Variants in LARGE1 observed in about 807,000 individuals in gnomAD.
LARGE1 encodes the protein LARGE xylosyl- and glucuronyltransferase 1, also known as xylosyl- and glucuronyltransferase LARGE1.
Under a neutral mutation model 87.6 loss-of-function variants are expected in LARGE1, and 43 were observed. The observed-to-expected ratio is 0.49, with a 90% CI of 0.38 to 0.63. The LOEUF is 0.63. Among genes scored for constraint, LARGE1 ranks in the 30% least tolerant of loss-of-function variants. The pLI, the probability that LARGE1 is intolerant of heterozygous loss-of-function variation, is 0.00. For synonymous variants in LARGE1, 434 were observed against 394.6 expected, an observed-to-expected ratio of 1.10 and a Z score of -1.18; for missense variants, 802 against 1,000.2, an observed-to-expected ratio of 0.80 and a Z score of 2.67.
At position 33,749,632 on chromosome 22, in the gene LARGE1, C is replaced by A. The variant is rs568646976; in HGVS notation, c.106+11739G>T. On this transcript the variant is annotated intron_variant, in intron 2 of 14. Coordinates refer to ENST00000397394, the MANE Select transcript of LARGE1 (RefSeq NM_133642.5). ...TTAGGCTGTAAGCCAGCCTAGATGA[C>A]TCCTGATGTCCGTTCCTTCTCTTGA... Among the ~76,000 whole-genome samples, 5 of 152,360 alleles carry A rather than the reference C, an allele frequency of 3.3e-5. No homozygotes were observed. In the South Asian group the frequency reaches 6.2e-4, roughly 19 times the overall value.
the LARGE1 span, among the ~76,000 whole-genome samples, chr22:33,089,368 T>TCTTCTTCTTCTC: frequency 1.5e-4 from 12 of 78,210 alleles, no homozygotes; most frequent in Non-Finnish European, 2.4e-4. Context: ...TTCTTCTTCT[T>TCTTCTTCTTCTC]CTCCTTCTTC....
intron 1 of LARGE1, among the ~76,000 whole-genome samples, chr22:33,829,770 TAAC>T (rs1457779358): frequency 6.6e-6 from 1 of 152,094 alleles, no homozygotes; most frequent in Non-Finnish European, 1.5e-5. Flanking sequence ...TCCTGGGTGC[TAAC>T]AGCATTGCCA....
At chr22:33,406,856 G>A (rs1016018721) in intron 7 of LARGE1, among the ~76,000 whole-genome samples, 2 of 151,496 alleles carry the variant, frequency 1.3e-5, no homozygotes, top group Non-Finnish European at 2.9e-5. Flanking sequence ...GCAATGGCAC[G>A]ATCTTGGCTC....
intron 11 of LARGE1, among the ~76,000 whole-genome samples, chr22:33,184,446 C>A (rs1025091932): frequency 3.3e-5 from 5 of 151,314 alleles, no homozygotes; most frequent in Non-Finnish European, 2.9e-5. Flanking sequence ...TAAAGTAGTT[C>A]TTTACAAAGT....
intron 2 of LARGE1, among the ~76,000 whole-genome samples, chr22:33,745,694 G>A (rs2084054761): frequency 1.3e-5 from 2 of 152,128 alleles, no homozygotes; most frequent in African/African-American, 4.8e-5. Context: ...CTGAAAGGCT[G>A]GATCCAATCA....
At chr22:33,722,924 T>C (rs1051852110) in intron 2 of LARGE1, among the ~76,000 whole-genome samples, 1 of 152,096 alleles carries the variant, frequency 6.6e-6, no homozygotes, top group African/African-American at 2.4e-5. Context: ...TGAGCTGTTT[T>C]GATGACGTTG....
intron 6 of LARGE1, among the ~76,000 whole-genome samples, chr22:33,510,224 C>T (rs2070990300): frequency 6.6e-6 from 1 of 152,212 alleles, no homozygotes; most frequent in Admixed American, 6.5e-5. Flanking sequence ...TTAATCCCTG[C>T]AGCCACCTTG....
At chr22:33,774,751 T>C (rs2085181974) in intron 1 of LARGE1, among the ~76,000 whole-genome samples, 1 of 152,200 alleles carries the variant, frequency 6.6e-6, no homozygotes, top group South Asian at 2.1e-4. Flanking sequence ...ATGAGGCGCT[T>C]TAGTTCTTTT....
intron 11 of LARGE1, among the ~76,000 whole-genome samples, chr22:33,259,864 C>A (rs558101748): frequency 6.6e-6 from 1 of 152,334 alleles, no homozygotes; most frequent in South Asian, 2.1e-4. Flanking sequence ...TCCGTATCTA[C>A]CACATGCATC....
chr22:33,381,283 T>G (rs5998902), intron 9 of LARGE1, among the ~76,000 whole-genome samples: 15,219 of 152,278 alleles, frequency 0.1, 946 homozygotes, highest in South Asian at 0.25. Flanking sequence ...TAGCTTGTTA[T>G]GCAGCATTAT....
the LARGE1 span, among the ~76,000 whole-genome samples, chr22:33,131,560 G>C: frequency 6.6e-6 from 1 of 152,144 alleles, no homozygotes; most frequent in Admixed American, 6.5e-5. Context: ...ATGGTCGAAG[G>C]CAAAGGAGAA....
chr22:33,123,205 G>A, the LARGE1 span, among the ~76,000 whole-genome samples: 1 of 93,208 alleles, frequency 1.1e-5, no homozygotes, highest in African/African-American at 4.2e-5. Context: ...TCAGGATCTT[G>A]GTAGAGGGCC....
chr22:33,114,165 C>T, the LARGE1 span, among the ~76,000 whole-genome samples: 9 of 151,880 alleles, frequency 5.9e-5, no homozygotes, highest in Non-Finnish European at 1.0e-4. Flanking sequence ...CGTGAGCCAC[C>T]GCGCCCGGCC....
chr22:33,784,944 T>C (rs1280225433), intron 1 of LARGE1, among the ~76,000 whole-genome samples: 2 of 151,332 alleles, frequency 1.3e-5, no homozygotes, highest in South Asian at 2.1e-4. Context: ...TATACACGTG[T>C]ATACATGTGT....
At chr22:33,676,570 G>A (rs867410532) in intron 2 of LARGE1, among the ~76,000 whole-genome samples, 3 of 147,002 alleles carry the variant, frequency 2.0e-5, no homozygotes, top group South Asian at 4.3e-4. Flanking sequence ...GCAGGTACAG[G>A]AAAAGAAAAA....
At chr22:33,100,870 G>A in the LARGE1 span, among the ~76,000 whole-genome samples, 8 of 145,674 alleles carry the variant, frequency 5.5e-5, no homozygotes, top group South Asian at 1.7e-3. Context: ...ATGGAGTTTC[G>A]CTCTTGTTGC....
intron 10 of LARGE1, among the ~76,000 whole-genome samples, chr22:33,324,498 C>T (rs1273157233): frequency 1.3e-5 from 2 of 152,098 alleles, no homozygotes; most frequent in Non-Finnish European, 2.9e-5. Flanking sequence ...AAACAAAAGA[C>T]AGATTTCTCC....
intron 1 of LARGE1, among the ~76,000 whole-genome samples, chr22:33,831,507 C>T (rs2062967536): frequency 6.6e-6 from 1 of 152,160 alleles, no homozygotes; most frequent in Non-Finnish European, 1.5e-5. Flanking sequence ...GCCTCTTCTC[C>T]TCTTGCCCTA....
intron 7 of LARGE1, among the ~76,000 whole-genome samples, chr22:33,406,756 A>G (rs544815501): frequency 2.0e-5 from 3 of 152,174 alleles, no homozygotes; most frequent in Non-Finnish European, 2.9e-5. Flanking sequence ...TTTGACAACT[A>G]TATCAATTAT....
Sources: gnomAD v4.1 joint callset for allele counts (sites outside exome capture counted in the v4.1 genomes callset) on GRCh38, gnomAD v4.1.1 for gene constraint, MANE v1.5 for transcripts, NCBI Gene and HGNC (gene_info 2026-07-23, HGNC 2026-07-21) for gene names.